Variants in BCL11B observed in about 807,000 individuals in gnomAD.
BCL11B encodes B-cell lymphoma/leukemia 11B.
Under a neutral mutation model 49.9 loss-of-function variants are expected in BCL11B, and 8 were observed. The observed-to-expected ratio is 0.16, with a 90% CI of 0.09 to 0.29. The LOEUF (loss-of-function observed/expected upper bound fraction) is 0.29. BCL11B is among the 10% of genes least tolerant of loss of function. The probability of loss-of-function intolerance (pLI) is 1.00; values close to 1 mark genes in which losing one functional copy is unlikely to be tolerated. For synonymous variants in BCL11B, 739 were observed against 637.4 expected, an observed-to-expected ratio of 1.16 and a Z score of -2.40; for missense variants, 1,006 against 1,351.0, an observed-to-expected ratio of 0.74 and a Z score of 4.00.
In BCL11B at chr14:99,175,632, G is replaced by C; in HGVS notation, c.1204C>G (p.Pro402Ala). 1 of 1,562,488 alleles carries C rather than the reference G, an allele frequency of 6.4e-7. No individual in the cohort carries two copies. The highest frequency in any genetic ancestry group is 8.6e-7 in the Non-Finnish European group (1 of 1,163,176). ...GGCAGCGGCGGCGTGCTCAGGAACG[G>C]GGACTTGGGGCTGGGCTGGAAGGGG... ...LNPFQPSPKS[P>A]FLSTPPLPPM... is the part of the protein sequence containing the mutation. Residue 402 changes from proline to alanine, a missense_variant, in exon 4 of 4, where the codon CCG (proline) becomes GCG (alanine). Coordinates refer to ENST00000357195, the MANE Select transcript of BCL11B (RefSeq NM_138576.4).
chr14:99,183,829 C>T (rs567950959), intron 3 of BCL11B, among the ~76,000 whole-genome samples: 25 of 152,110 alleles, frequency 1.6e-4, no homozygotes, highest in African/African-American at 5.8e-4. Context: ...CCGCCCTCCA[C>T]ACCGGGCCCC....
At chr14:99,264,178 C>T (rs1223866103) in intron 1 of BCL11B, 2 of 152,148 alleles carry the variant, frequency 1.3e-5, no homozygotes, top group African/African-American at 4.8e-5. Flanking sequence ...GACACTGGAC[C>T]TCAAGGCTTT....
At position 99,170,646 on chromosome 14, in the gene BCL11B, G is replaced by A; in HGVS notation, c.*3505C>T. Reference sequence around the variant, plus strand: ...GGGGAAGGAGAGAGAACGAGATATGGAAAGGCACCAAATTCATCCCAGGCC... The same window carrying A: ...GGGGAAGGAGAGAGAACGAGATATGAAAAGGCACCAAATTCATCCCAGGCC... On this transcript the variant is annotated 3_prime_UTR_variant, in exon 4 of 4. Transcript: ENST00000357195. 4.3e-6 allele frequency: 1 copy of A among 233,348 alleles called. No individual in the cohort carries two copies. The highest frequency in any genetic ancestry group is 8.5e-6 in the Non-Finnish European group (1 of 117,808). 14.5% of individuals were successfully genotyped at this position (233,348 alleles called of 1,614,324 possible). A position where few individuals can be genotyped will look rare whatever the true frequency, so the allele number is the denominator to read the frequency against.
chr14:99,181,617 G>A (rs944071849), intron 3 of BCL11B, among the ~76,000 whole-genome samples: 3 of 152,234 alleles, frequency 2.0e-5, no homozygotes, highest in African/African-American at 4.8e-5. Context: ...AGGCACTGAT[G>A]ATGTTTGGTT....
intron 2 of BCL11B, among the ~76,000 whole-genome samples, chr14:99,256,261 C>A (rs750249562): frequency 3.3e-5 from 5 of 152,204 alleles, no homozygotes; most frequent in Admixed American, 6.5e-5. Flanking sequence ...CTCGTTTCCC[C>A]AGCCAGCCAC....
chr14:99,174,729 G>A lies in BCL11B; in HGVS notation c.2107C>T (p.Pro703Ser), dbSNP rs754658390. Residue 703 changes from proline (P) to serine (S), a missense_variant, in exon 4 of 4, where the codon CCG becomes TCG. Pro to Ser is a moderately conservative substitution (Grantham distance 74, BLOSUM62 -1). This residue lies in a region of BCL11B where 443 missense variants were observed against 499.7 expected (regional missense o/e 0.89). Coordinates refer to ENST00000357195, the MANE Select transcript of BCL11B (RefSeq NM_138576.4). ...CACTGCGAGTACACGTTCTCGGACGGGATGAGCGCGGCGGGCGGCAGCTCC... is the reference window on the plus strand; with the variant it reads ...CACTGCGAGTACACGTTCTCGGACGAGATGAGCGCGGCGGGCGGCAGCTCC... Reference protein sequence around the residue: ...DLELPPAALIPSENVYSQWLV... With the variant: ...DLELPPAALISSENVYSQWLV... The A allele has an allele frequency of 6.5e-7, 1 of 1,545,012 alleles. No homozygotes were observed. Among genetic ancestry groups the A allele is most frequent in the South Asian group, 1.2e-5 (1 of 84,530 alleles).
Position 99,170,942 on chromosome 14 carries a change from C to G in BCL11B, c.*3209G>C, listed in dbSNP as rs997973671. On this transcript the variant is annotated 3_prime_UTR_variant, in exon 4 of 4. Transcript: ENST00000357195. ...TTGCATTGCTTTCTGCTGGTAAGGG[C>G]GGGAGAGGTGGTGGTGGTGACCGCC... 1 of 232,136 alleles carries G rather than the reference C, an allele frequency of 4.3e-6. No individual in the cohort carries two copies. Among genetic ancestry groups the G allele is most frequent in the African/African-American group, 2.2e-5 (1 of 45,222 alleles). The allele number at this position is 232,136 out of a possible 1,614,324, so 14.4% of individuals were successfully genotyped here.
chr14:99,179,569 G>A (rs1382112979), intron 3 of BCL11B, among the ~76,000 whole-genome samples: 2 of 149,670 alleles, frequency 1.3e-5, no homozygotes, highest in Admixed American at 6.7e-5. Flanking sequence ...CAGGTGAGAA[G>A]AGCGATGTTT....
Position 99,257,930 on chromosome 14 carries a change from C to G in BCL11B, c.59-91G>C. 1.4e-6 allele frequency: 2 copies of G among 1,379,664 alleles called. No homozygotes were observed. Among genetic ancestry groups the G allele is most frequent in the Non-Finnish European group, 1.9e-6 (2 of 1,054,634 alleles). The allele number at this position is 1,379,664 out of a possible 1,614,324, so 85.5% of individuals were successfully genotyped here. A position where few individuals can be genotyped will look rare whatever the true frequency, so the allele number is the denominator to read the frequency against. ...CCCAACTTCCGGTCCACCCCTTCCCCGCCAAGAAGCAGCCCCCTCTGCTGC... is the reference window on the plus strand; with the variant it reads ...CCCAACTTCCGGTCCACCCCTTCCCGGCCAAGAAGCAGCCCCCTCTGCTGC... On this transcript the variant is annotated intron_variant, in intron 1 of 3. Transcript: ENST00000357195. The surrounding 1 kb of genome is among the most constrained non-coding windows in gnomAD (Gnocchi z 6.2).
chr14:99,203,760 C>G (rs574148229), intron 3 of BCL11B, among the ~76,000 whole-genome samples: 1 of 152,282 alleles, frequency 6.6e-6, no homozygotes, highest in East Asian at 1.9e-4. Context: ...CCCCCTACCC[C>G]CAACACTGAA....
At chr14:99,198,106 C>T (rs1887230843) in intron 3 of BCL11B, among the ~76,000 whole-genome samples, 1 of 152,216 alleles carries the variant, frequency 6.6e-6, no homozygotes, top group African/African-American at 2.4e-5. Flanking sequence ...TTGGCAGAGG[C>T]TGCCGATGCA....
intron 2 of BCL11B, among the ~76,000 whole-genome samples, chr14:99,255,693 C>G (rs934828112): frequency 1.3e-5 from 2 of 152,192 alleles, no homozygotes; most frequent in African/African-American, 4.8e-5. Context: ...TGCACTGAGG[C>G]CAGGCGTCGA....
intron 3 of BCL11B, among the ~76,000 whole-genome samples, chr14:99,216,038 T>TGC (rs1887825367): frequency 6.6e-6 from 1 of 152,170 alleles, no homozygotes; most frequent in South Asian, 2.1e-4. Context: ...GCAATAATAA[T>TGC]AATCATAGTT....
chr14:99,224,262 G>C (rs1179858504), intron 3 of BCL11B, among the ~76,000 whole-genome samples: 1 of 152,166 alleles, frequency 6.6e-6, no homozygotes, highest in African/African-American at 2.4e-5. Flanking sequence ...TCTCTGTTTT[G>C]AGACTCTCTG....
intron 2 of BCL11B, among the ~76,000 whole-genome samples, chr14:99,255,636 T>C (rs934746383): frequency 6.6e-6 from 1 of 152,162 alleles, no homozygotes; most frequent in African/African-American, 2.4e-5. Context: ...GAAACATAAA[T>C]AGGCGGCCCG....
intron 1 of BCL11B, among the ~76,000 whole-genome samples, chr14:99,261,945 A>G (rs1277486302): frequency 2.0e-5 from 3 of 152,156 alleles, no homozygotes; most frequent in Non-Finnish European, 4.4e-5. Flanking sequence ...TTTATTTACA[A>G]GGCCAGGCCT....
chr14:99,196,516 T>A (rs1424936462), intron 3 of BCL11B, among the ~76,000 whole-genome samples: 1 of 131,838 alleles, frequency 7.6e-6, no homozygotes, highest in East Asian at 1.9e-4. Flanking sequence ...TGGTCAAAGC[T>A]GTTCCCAGTG....
chr14:99,204,572 T>C (rs2614473), intron 3 of BCL11B, among the ~76,000 whole-genome samples: 20,474 of 152,030 alleles, frequency 0.13, 2,458 homozygotes, highest in African/African-American at 0.32. Flanking sequence ...CCCACATTGC[T>C]CCACCAGCTT....
chr14:99,212,291 C>T (rs868834069), intron 3 of BCL11B, among the ~76,000 whole-genome samples: 1 of 152,174 alleles, frequency 6.6e-6, no homozygotes, highest in Admixed American at 6.5e-5. Context: ...CAGACAGCTG[C>T]AGCATGTGCA....
Sources: gnomAD v4.1 joint callset for allele counts (sites outside exome capture counted in the v4.1 genomes callset) on GRCh38, gnomAD v4.1.1 for gene constraint, gnomAD v4.1.1 regional missense constraint, Gnocchi (gnomAD v3.1) non-coding constraint, MANE v1.5 for transcripts, NCBI Gene and HGNC (gene_info 2026-07-23, HGNC 2026-07-21) for gene names.